MCC: variants seen among roughly 807,000 people sequenced by gnomAD.
The protein encoded by MCC is MCC regulator of Wnt signaling pathway, also known as colorectal mutant cancer protein.
A neutral mutation model predicts 116.2 loss-of-function variants in MCC; 90 were observed. That is an observed-to-expected ratio of 0.77 (90% confidence interval 0.65 to 0.92). The LOEUF is 0.92. MCC is among the 40% of genes least tolerant of loss of function. MCC has a pLI of 0.00. For synonymous variants in MCC, 578 were observed against 510.5 expected (o/e 1.13, Z -1.78); for missense variants, 1,516 against 1,312.2 (o/e 1.16, Z -2.40).
intron 3 of MCC, among the ~76,000 whole-genome samples, chr5:113,160,473 G>A (rs1343790509): frequency 6.6e-6 from 1 of 152,158 alleles, no homozygotes; most frequent in Non-Finnish European, 1.5e-5. Flanking sequence ...GGGTAGTGCT[G>A]TTATCTCCAA....
intron 5 of MCC, among the ~76,000 whole-genome samples, chr5:113,125,722 A>G (rs1236278105): frequency 6.6e-6 from 1 of 152,212 alleles, no homozygotes; most frequent in Non-Finnish European, 1.5e-5. Context: ...GCAGTTTTAT[A>G]AAGACAAGAT....
intron 1 of MCC, among the ~76,000 whole-genome samples, chr5:113,409,147 T>C (rs961283553): frequency 3.9e-5 from 6 of 152,190 alleles, no homozygotes; most frequent in African/African-American, 1.4e-4. Context: ...CATTACCCTA[T>C]ATTTGTCTTT....
In MCC at chr5:113,101,801, G is replaced by A; in HGVS notation, c.1336C>T (p.Leu446=). The change falls in exon 8 of 19, where the codon CTG becomes TTG. Residue 446 remains leucine, a synonymous_variant. Transcript: ENST00000408903. ...TAMLCSKEEE[L]NRTKATMNAI... ...TTCATGGTGGCCTTAGTCCGGTTCA[G>A]TTCTTCCTCTTTGCTGCACAGCATG... 1 of 1,613,456 alleles carries A rather than the reference G, an allele frequency of 6.2e-7. No individual in the cohort carries two copies. The highest frequency in any genetic ancestry group is 2.2e-5 in the East Asian group (1 of 44,862).
At chr5:113,379,026 G>T (rs1769048043) in intron 2 of MCC, among the ~76,000 whole-genome samples, 1 of 152,190 alleles carries the variant, frequency 6.6e-6, no homozygotes, top group Non-Finnish European at 1.5e-5. Flanking sequence ...AACTGTTCTG[G>T]TATAATGTAT....
chr5:113,271,576 G>T (rs1333341239), intron 3 of MCC, among the ~76,000 whole-genome samples: 3 of 152,138 alleles, frequency 2.0e-5, no homozygotes, highest in Admixed American at 6.5e-5. Context: ...TGAAATTCCT[G>T]GGCAAACAGA....
intron 6 of MCC, among the ~76,000 whole-genome samples, chr5:113,106,645 A>T (rs1756749705): frequency 6.6e-6 from 1 of 152,172 alleles, no homozygotes; most frequent in South Asian, 2.1e-4. Flanking sequence ...CTAAAGCTTT[A>T]AACTCTTGGG....
intron 17 of MCC, among the ~76,000 whole-genome samples, chr5:113,040,446 C>T (rs187108253): frequency 6.6e-6 from 1 of 152,278 alleles, no homozygotes; most frequent in Admixed American, 6.5e-5. Flanking sequence ...CCTGCGCCTA[C>T]AGTTTTGGTG....
chr5:113,224,180 C>T (rs1318408028), intron 3 of MCC, among the ~76,000 whole-genome samples: 3 of 152,092 alleles, frequency 2.0e-5, no homozygotes, highest in East Asian at 1.9e-4. Flanking sequence ...CTGCAACCTC[C>T]GCCTCCCAGG....
chr5:113,102,172 C>T (rs1410431810), intron 7 of MCC, among the ~76,000 whole-genome samples: 2 of 152,196 alleles, frequency 1.3e-5, no homozygotes, highest in African/African-American at 4.8e-5. Context: ...TGGCAACCTT[C>T]AGAGTAAGAA....
intron 4 of MCC, among the ~76,000 whole-genome samples, chr5:113,148,495 C>T (rs561553915): frequency 3.3e-5 from 5 of 152,234 alleles, no homozygotes; most frequent in South Asian, 2.1e-4. Flanking sequence ...ACATAACCAC[C>T]ATTTACATTT....
At chr5:113,390,578 T>G (rs1380387060) in intron 1 of MCC, among the ~76,000 whole-genome samples, 1 of 152,218 alleles carries the variant, frequency 6.6e-6, no homozygotes, top group Non-Finnish European at 1.5e-5. Context: ...CTTTAACTTA[T>G]AAAGAAATTG....
Position 113,101,838 on chromosome 5 carries a change from C to T in MCC, c.1299G>A (p.Glu433=), listed in dbSNP as rs547773100. ...TGCTGCACAGCATGGCAGTCAGGCT[C>T]TCATTCTCTTCCCTCAGCCCAGCCA... ...KELAGLREEN[E]SLTAMLCSKE... The change falls in exon 8 of 19, where the codon GAG becomes GAA. Residue 433 remains glutamate (E), a synonymous_variant. Transcript: ENST00000408903. The T allele has an allele frequency of 1.2e-5, 19 of 1,613,682 alleles. No individual in the cohort carries two copies. The East Asian group carries it at 3.3e-4, about 28-fold the overall frequency.
At chr5:113,144,622 T>C (rs1270556561) in intron 4 of MCC, among the ~76,000 whole-genome samples, 1 of 152,140 alleles carries the variant, frequency 6.6e-6, no homozygotes, top group African/African-American at 2.4e-5. Flanking sequence ...CCTAACTCCA[T>C]ACTGAAACAG....
chr5:113,236,532 T>C (rs866021485), intron 3 of MCC, among the ~76,000 whole-genome samples: 2 of 152,212 alleles, frequency 1.3e-5, no homozygotes, highest in South Asian at 2.1e-4. Context: ...TAATTATGTC[T>C]AGGGTTGTTG....
intron 2 of MCC, among the ~76,000 whole-genome samples, chr5:113,361,855 A>T: frequency 6.6e-6 from 1 of 152,058 alleles, no homozygotes; most frequent in South Asian, 2.1e-4. Flanking sequence ...TGGCCTTGGG[A>T]CTCTTGGACT....
chr5:113,227,027 T>C (rs74964823), intron 3 of MCC, among the ~76,000 whole-genome samples: 1 of 152,248 alleles, frequency 6.6e-6, no homozygotes, highest in Non-Finnish European at 1.5e-5. Context: ...AATGCAGTTA[T>C]GACAGGGATA....
At chr5:113,046,842 G>T (rs1434385616) in intron 16 of MCC, among the ~76,000 whole-genome samples, 1 of 152,004 alleles carries the variant, frequency 6.6e-6, no homozygotes, top group Admixed American at 6.6e-5. Flanking sequence ...CCCAGCCTTG[G>T]GCAGATGGCT....
At chr5:113,182,646 G>A (rs1279334124) in intron 3 of MCC, among the ~76,000 whole-genome samples, 1 of 152,106 alleles carries the variant, frequency 6.6e-6, no homozygotes, top group East Asian at 1.9e-4. Flanking sequence ...ATACTCACAG[G>A]GAAATATTAA....
chr5:113,280,782 ATTC>A lies in MCC; in HGVS notation c.627+59734_627+59736del, dbSNP rs536257460. Among the ~76,000 whole-genome samples the A allele has an allele frequency of 1.7e-3, 266 of 152,288 alleles. 1 individual carries two copies. The highest frequency in any genetic ancestry group is 6.0e-3 in the African/African-American group (251 of 41,556). On this transcript the variant is annotated intron_variant, in intron 3 of 18. Coordinates refer to ENST00000408903, the MANE Select transcript of MCC (RefSeq NM_001085377.2). ...GTGATTCTCCTTTTACCTGTTGGAT[ATTC>A]AGACCAACCTAGGTTGGAGGCAACA...
Sources: gnomAD v4.1 joint callset for allele counts (sites outside exome capture counted in the v4.1 genomes callset) on GRCh38, gnomAD v4.1.1 for gene constraint, MANE v1.5 for transcripts, NCBI Gene and HGNC (gene_info 2026-07-23, HGNC 2026-07-21) for gene names.